The following NPAS2 variants were observed in gnomAD, a reference collection of about 807,000 sequenced individuals.
NPAS2 encodes the protein neuronal PAS domain-containing protein 2.
NPAS2 carries 23 observed loss-of-function variants against 107.5 expected under a neutral mutation model. That is an observed-to-expected ratio of 0.21 (90% confidence interval 0.15 to 0.30). The LOEUF is 0.30. Ranked by LOEUF, NPAS2 falls within the 10% of genes least tolerant of loss-of-function variation. The probability of loss-of-function intolerance (pLI) is 1.00; values close to 1 mark genes in which losing one functional copy is unlikely to be tolerated. For synonymous variants in NPAS2, 403 were observed against 417.5 expected, an observed-to-expected ratio of 0.97 and a Z score of 0.42; for missense variants, 756 against 1,043.3, an observed-to-expected ratio of 0.72 and a Z score of 3.79.
At chr2:100,823,853 G>A (rs1178373502) in intron 1 of NPAS2, 1 of 152,222 alleles carries the variant, frequency 6.6e-6, no homozygotes, top group Non-Finnish European at 1.5e-5. Context: ...GTTGCTGGTA[G>A]GGCTTCCACA....
chr2:100,955,431 C>T (rs772927325), intron 7 of NPAS2, among the ~76,000 whole-genome samples: 19 of 152,074 alleles, frequency 1.2e-4, no homozygotes, highest in Non-Finnish European at 1.9e-4. Context: ...ATCTTGGCCC[C>T]GGGACACAGC....
At chr2:100,946,169 C>T (rs1674884672) in intron 5 of NPAS2, among the ~76,000 whole-genome samples, 1 of 152,200 alleles carries the variant, frequency 6.6e-6, no homozygotes, top group Non-Finnish European at 1.5e-5. Context: ...GTTTTATCAG[C>T]AGTGGAGGCA....
At position 100,901,030 on chromosome 2, in the gene NPAS2, G is replaced by T. The variant is rs575969862; in HGVS notation, c.-22-3703G>T. On this transcript the variant is annotated intron_variant, in intron 1 of 20. Transcript: ENST00000335681. ...GGCATGAAGCATGAAGCATGATGGT[G>T]ATTTTCTATTGCCATTGTTCCTTCT... Among the ~76,000 whole-genome samples, 3 of 152,176 alleles carry T rather than the reference G, an allele frequency of 2.0e-5. No homozygotes were observed. In the East Asian group the frequency reaches 5.8e-4, roughly 29 times the overall value.
At chr2:100,819,255 A>C (rs1372494636), upstream of NPAS2, among the ~76,000 whole-genome samples, 1 of 151,828 alleles carries the variant, frequency 6.6e-6, no homozygotes, top group Admixed American at 6.5e-5. This position sits in a 1 kb window ranked among gnomAD's most constrained non-coding sequence, Gnocchi z 5.8. Context: ...GGGGAGGGAG[A>C]GGCAGAGTGG....
chr2:100,932,337 G>A (rs2104939034), intron 3 of NPAS2, among the ~76,000 whole-genome samples: 1 of 152,308 alleles, frequency 6.6e-6, no homozygotes, highest in South Asian at 2.1e-4. Context: ...ATAAACTATA[G>A]ATTAACCCCA....
intron 7 of NPAS2, among the ~76,000 whole-genome samples, chr2:100,953,170 T>G (rs1176783179): frequency 7.5e-6 from 1 of 132,556 alleles, no homozygotes; most frequent in Non-Finnish European, 1.7e-5. Context: ...AGGTCAGGAG[T>G]TTGAAACCAG....
At chr2:100,973,554 A>G (rs1676746586) in intron 12 of NPAS2, among the ~76,000 whole-genome samples, 1 of 152,136 alleles carries the variant, frequency 6.6e-6, no homozygotes, top group Non-Finnish European at 1.5e-5. Context: ...CACATCTGGT[A>G]TTTCTGTTTT....
chr2:100,860,068 A>T (rs1339484658), intron 1 of NPAS2, among the ~76,000 whole-genome samples: 1 of 152,178 alleles, frequency 6.6e-6, no homozygotes, highest in African/African-American at 2.4e-5. Context: ...AATTCCACAG[A>T]TTGTCCCAAT....
At chr2:100,922,262 A>G (rs1421241566) in intron 2 of NPAS2, among the ~76,000 whole-genome samples, 2 of 152,186 alleles carry the variant, frequency 1.3e-5, no homozygotes, top group African/African-American at 2.4e-5. Context: ...GATGAATTTT[A>G]TTGAATTTAA....
intron 1 of NPAS2, among the ~76,000 whole-genome samples, chr2:100,829,806 T>C (rs1676616687): frequency 6.6e-6 from 1 of 152,124 alleles, no homozygotes; most frequent in African/African-American, 2.4e-5. Flanking sequence ...ATGAAATGGA[T>C]AAAACTCATA....
intron 17 of NPAS2, chr2:100,989,009 A>C (rs1677957274): frequency 4.2e-6 from 1 of 239,016 alleles, no homozygotes; most frequent in African/African-American, 2.6e-5. Context: ...CTGCTCCTCC[A>C]GGCCCCCCAG....
intron 1 of NPAS2, among the ~76,000 whole-genome samples, chr2:100,844,552 C>T (rs1330477671): frequency 6.6e-6 from 1 of 152,164 alleles, no homozygotes; most frequent in Non-Finnish European, 1.5e-5. Flanking sequence ...TAGGGTACCA[C>T]ACTGATATGC....
In NPAS2 at chr2:100,982,188, A is replaced by G. The variant is rs533315401; in HGVS notation, c.1483-43A>G. The G allele has an allele frequency of 4.3e-6, 7 of 1,611,714 alleles. No individual in the cohort carries two copies. In the African/African-American group the frequency reaches 6.7e-5, roughly 15 times the overall value. ...AGCAAGATCTGCCTGCAAGGCTGAA[A>G]TAACTCTTTCATCTGATTATGTTTT... On this transcript the variant is annotated intron_variant, in intron 15 of 20. Coordinates refer to ENST00000335681, the MANE Select transcript of NPAS2 (RefSeq NM_002518.4).
intron 1 of NPAS2, among the ~76,000 whole-genome samples, chr2:100,889,620 G>A (rs1220985468): frequency 6.6e-6 from 1 of 152,178 alleles, no homozygotes; most frequent in East Asian, 1.9e-4. Flanking sequence ...GGAGAGGCAT[G>A]TCTAGGGTTG....
chr2:100,865,911 G>A (rs977055780), intron 1 of NPAS2, among the ~76,000 whole-genome samples: 1 of 152,190 alleles, frequency 6.6e-6, no homozygotes, highest in African/African-American at 2.4e-5. Context: ...CCAAGTGCTT[G>A]CCTAGACCCT....
At chr2:100,883,230 C>G (rs969677898) in intron 1 of NPAS2, among the ~76,000 whole-genome samples, 4 of 152,214 alleles carry the variant, frequency 2.6e-5, no homozygotes, top group Non-Finnish European at 4.4e-5. Context: ...GTCCAAAGTA[C>G]AAATGCCTGG....
chr2:100,954,980 C>T (rs903715676), intron 7 of NPAS2, among the ~76,000 whole-genome samples: 4 of 151,728 alleles, frequency 2.6e-5, no homozygotes, highest in African/African-American at 4.8e-5. Flanking sequence ...AGGGTTCAAG[C>T]GATTCTCCTG....
At chr2:100,839,155 GTC>G (rs1677243881) in intron 1 of NPAS2, among the ~76,000 whole-genome samples, 1 of 152,050 alleles carries the variant, frequency 6.6e-6, no homozygotes, top group Non-Finnish European at 1.5e-5. Context: ...TTTTGAGACA[GTC>G]TCTCTCTGTT....
chr2:100,845,148 T>G (rs1412160277), intron 1 of NPAS2, among the ~76,000 whole-genome samples: 1 of 152,106 alleles, frequency 6.6e-6, no homozygotes, highest in Non-Finnish European at 1.5e-5. Flanking sequence ...TAGGGGAGCA[T>G]GTTTGGCTCT....
Sources: allele counts gnomAD v4.1 joint callset (sites outside exome capture counted in the v4.1 genomes callset), GRCh38; gene constraint gnomAD v4.1.1; non-coding constraint Gnocchi (gnomAD v3.1); transcripts MANE v1.5; gene names NCBI Gene and HGNC (gene_info 2026-07-23, HGNC 2026-07-21).